The following GOLGA1 variants were observed in gnomAD, a reference collection of about 807,000 sequenced individuals.
The protein encoded by GOLGA1 is golgin A1.
In GOLGA1, 63 loss-of-function variants were observed where a neutral mutation model predicts 119.7. That is an observed-to-expected ratio of 0.53 (90% CI 0.43 to 0.65). GOLGA1 has a LOEUF of 0.65. Among genes scored for constraint, GOLGA1 ranks in the 30% least tolerant of loss-of-function variants. GOLGA1 has a pLI of 0.00. For synonymous variants in GOLGA1, 318 were observed against 333.4 expected (o/e 0.95, Z 0.50); for missense variants, 798 against 912.8 (o/e 0.87, Z 1.62).
intron 3 of GOLGA1, among the ~76,000 whole-genome samples, chr9:124,935,826 A>C (rs1193085868): frequency 6.6e-6 from 1 of 152,034 alleles, no homozygotes; most frequent in East Asian, 1.9e-4. Context: ...TTGGACACCA[A>C]GAAGTGAAAG....
Position 124,912,019 on chromosome 9 carries a change from G to A in GOLGA1, c.851C>T (p.Ala284Val). The A allele has an allele frequency of 6.2e-7, 1 of 1,613,116 alleles. No homozygotes were observed. The highest frequency in any genetic ancestry group is 1.1e-5 in the South Asian group (1 of 91,056). ...AACGTCTTCTTTCTCTTGAGTTTCA[G>A]CAGTGACCTGCAGGTGAAAGCAGAG... The part of the protein sequence containing the change: ...QLSIDLQKVT[A>V]ETQEKEDVIT... The change falls in exon 11 of 23, where the codon GCT becomes GTT. Residue 284 changes from alanine to valine, a missense_variant. By Grantham distance (64) the Ala-to-Val change is moderately conservative. Transcript: ENST00000373555.
intron 12 of GOLGA1, among the ~76,000 whole-genome samples, chr9:124,906,125 AAAT>A (rs1830226432): frequency 6.6e-6 from 1 of 150,720 alleles, no homozygotes; most frequent in South Asian, 2.1e-4. Flanking sequence ...AAAAATAAAT[AAAT>A]AAATAAATAA....
intron 12 of GOLGA1, among the ~76,000 whole-genome samples, chr9:124,906,735 A>G (rs1190335166): frequency 2.6e-5 from 4 of 152,154 alleles, no homozygotes; most frequent in African/African-American, 7.2e-5. Flanking sequence ...CTGGGTGACA[A>G]GAGCAAAACT....
chr9:124,920,985 T>A, intron 10 of GOLGA1, 144 bp downstream of exon 10: 1 of 617,778 alleles, frequency 1.6e-6, no homozygotes. Flanking sequence ...TCCATCTGAG[T>A]GCAGCCTGGC....
At chr9:124,944,466 ATTTTTTTTTTTTTTTT>A (rs71374207), upstream of GOLGA1, 1 of 84,726 alleles carries the variant, frequency 1.2e-5, no homozygotes, top group African/African-American at 4.9e-5. Flanking sequence ...TGCCTGGCTA[ATTTTTTTTTTTTTTTT>A]TTTTTTTTTG....
intron 15 of GOLGA1, among the ~76,000 whole-genome samples, chr9:124,896,232 G>A (rs745722231): frequency 6.6e-6 from 1 of 151,682 alleles, no homozygotes; most frequent in Non-Finnish European, 1.5e-5. Flanking sequence ...TGGCCAGTAT[G>A]GTGAAACCCT....
upstream of GOLGA1, chr9:124,945,417 T>C (rs1459200926): frequency 6.6e-6 from 1 of 152,022 alleles, no homozygotes; most frequent in Non-Finnish European, 1.5e-5. Context: ...TAGCTGGTCG[T>C]GGTGGCACAC....
upstream of GOLGA1, chr9:124,944,696 G>A (rs1831115442): frequency 6.6e-6 from 1 of 151,894 alleles, no homozygotes; most frequent in South Asian, 2.1e-4. Context: ...AAATACAGTG[G>A]TTATCCCTCT....
intron 14 of GOLGA1, 50 bp downstream of exon 14, chr9:124,899,279 T>G (rs963879252): frequency 7.4e-6 from 11 of 1,496,160 alleles, no homozygotes; most frequent in Non-Finnish European, 9.9e-6. Flanking sequence ...GACTTCGCTG[T>G]GGGGGACCCT....
At chr9:124,940,767 G>T (rs754057798) in intron 1 of GOLGA1, among the ~76,000 whole-genome samples, 1 of 152,172 alleles carries the variant, frequency 6.6e-6, no homozygotes, top group African/African-American at 2.4e-5. Context: ...CCAAGGTCGC[G>T]CAGGGAGGAA....
chr9:124,946,970 A>G lies in GOLGA1; in HGVS notation c.-156+948T>C, dbSNP rs1229911791. 6.6e-6 allele frequency: 1 copy of G among 152,214 alleles called. No homozygotes were observed. Among genetic ancestry groups the G allele is most frequent in the Non-Finnish European group, 1.5e-5 (1 of 68,034 alleles). The allele number at this position is 152,214 out of a possible 1,614,324, so 9.4% of individuals were successfully genotyped here. On this transcript the variant is annotated intron_variant, in intron 1 of 4. Transcript: ENST00000421514. This position sits in a 1 kb window ranked among gnomAD's most constrained non-coding sequence, Gnocchi z 4.0. The stretch of plus-strand genomic sequence containing the variant: ...CATAGCTGCTGCAAATATACAAATT[A>G]ACAACCTCCCGTTCCTCACTAAATC...
At chr9:124,927,659 G>T (rs1327101213) in intron 6 of GOLGA1, among the ~76,000 whole-genome samples, 1 of 152,150 alleles carries the variant, frequency 6.6e-6, no homozygotes, top group Non-Finnish European at 1.5e-5. Context: ...GCCAGTAACA[G>T]AATTATTTTC....
At chr9:124,893,948 C>T (rs1829909784) in intron 15 of GOLGA1, among the ~76,000 whole-genome samples, 1 of 152,134 alleles carries the variant, frequency 6.6e-6, no homozygotes, top group African/African-American at 2.4e-5. Flanking sequence ...CCTAGTTTGC[C>T]TTTACTGCAA....
At chr9:124,944,466 A>ATTTTTTTTTTTTTT (rs71374207), upstream of GOLGA1, 59 of 84,718 alleles carry the variant, frequency 7.0e-4, no homozygotes, top group African/African-American at 1.2e-3. Flanking sequence ...TGCCTGGCTA[A>ATTTTTTTTTTTTTT]TTTTTTTTTT....
chr9:124,938,395 A>C (rs980087434), intron 3 of GOLGA1, among the ~76,000 whole-genome samples, 182 bp downstream of exon 3: 4 of 150,774 alleles, frequency 2.7e-5, no homozygotes, highest in African/African-American at 9.8e-5. Context: ...AAAAATATAG[A>C]GTACCTTAAC....
At chr9:124,916,585 C>G (rs948807969) in intron 10 of GOLGA1, among the ~76,000 whole-genome samples, 6 of 152,038 alleles carry the variant, frequency 3.9e-5, no homozygotes, top group South Asian at 4.1e-4. Flanking sequence ...AATTAAAAAT[C>G]TTCACAAGCC....
chr9:124,934,924 G>A (rs1047800902), intron 3 of GOLGA1, among the ~76,000 whole-genome samples: 1 of 152,278 alleles, frequency 6.6e-6, no homozygotes, highest in East Asian at 1.9e-4. Context: ...GCACGTGCCT[G>A]TAGTCCCAAC....
intron 15 of GOLGA1, among the ~76,000 whole-genome samples, chr9:124,891,200 C>T (rs635982): frequency 1.3e-5 from 2 of 152,312 alleles, no homozygotes; most frequent in Admixed American, 1.3e-4. Flanking sequence ...TCAGAGCCAC[C>T]TAAGATCCAG....
At chr9:124,884,917 G>T (rs1829682814) in intron 19 of GOLGA1, among the ~76,000 whole-genome samples, 3 of 152,202 alleles carry the variant, frequency 2.0e-5, no homozygotes, top group African/African-American at 7.2e-5. Context: ...CAATAAACAG[G>T]CCAGGTGTGG....
Sources: gnomAD v4.1 joint callset for allele counts (sites outside exome capture counted in the v4.1 genomes callset) on GRCh38, gnomAD v4.1.1 for gene constraint, Gnocchi (gnomAD v3.1) non-coding constraint, MANE v1.5 for transcripts, NCBI Gene and HGNC (gene_info 2026-07-23, HGNC 2026-07-21) for gene names.